Variants in TMPRSS7 observed in about 807,000 individuals in gnomAD.
TMPRSS7 encodes transmembrane protease serine 7.
A neutral mutation model predicts 95.6 loss-of-function variants in TMPRSS7; 81 were observed. The ratio of observed to expected loss-of-function variants is 0.85; its 90% CI spans 0.71 to 1.02. TMPRSS7 has a LOEUF of 1.02. TMPRSS7 is among the 50% of genes least tolerant of loss of function. The pLI, the probability that TMPRSS7 is intolerant of heterozygous loss-of-function variation, is 0.00. For synonymous variants in TMPRSS7, 364 were observed against 337.8 expected (o/e 1.08, Z -0.85); for missense variants, 945 against 955.2 (o/e 0.99, Z 0.14).
At chr3:112,049,721 C>T in intron 7 of TMPRSS7, 123 bp from the exon 8 acceptor site, 1 of 776,488 alleles carries the variant, frequency 1.3e-6, no homozygotes, top group Non-Finnish European at 1.9e-6. Context: ...GGGAGAGATT[C>T]CCAAGAACTG....
intron 1 of TMPRSS7, among the ~76,000 whole-genome samples, chr3:112,036,874 G>A (rs577520410): frequency 6.6e-6 from 1 of 152,306 alleles, no homozygotes; most frequent in Non-Finnish European, 1.5e-5. Flanking sequence ...TCTTACGCCT[G>A]TCTTTACTGC....
intron 9 of TMPRSS7, among the ~76,000 whole-genome samples, chr3:112,051,234 C>T (rs1390340982): frequency 1.3e-5 from 2 of 151,864 alleles, no homozygotes; most frequent in East Asian, 3.8e-4. Context: ...CAATAAAATA[C>T]AACAATAAAC....
At chr3:112,050,765 G>C (rs759146735) in exon 9 of TMPRSS7, 1 of 1,596,102 alleles carries the variant, frequency 6.3e-7, no homozygotes, top group East Asian at 2.3e-5. Flanking sequence ...CAAAATGCAA[G>C]TGTACCTGGA....
intron 15 of TMPRSS7, among the ~76,000 whole-genome samples, chr3:112,075,873 A>ATAAC (rs1215528425): frequency 1.3e-5 from 2 of 152,208 alleles, no homozygotes; most frequent in Admixed American, 6.5e-5. Flanking sequence ...GGGTAAGAGG[A>ATAAC]CATCTTAGAA....
chr3:112,080,019 T>G (rs1448562986), intron 17 of TMPRSS7, among the ~76,000 whole-genome samples: 1 of 152,164 alleles, frequency 6.6e-6, no homozygotes, highest in African/African-American at 2.4e-5. Context: ...CTTGTTAAAC[T>G]TAGTAGAGTT....
chr3:112,056,993 AT>A (rs763943474), intron 9 of TMPRSS7, 31 bp from the exon 10 acceptor site: 3 of 1,477,134 alleles, frequency 2.0e-6, no homozygotes, highest in East Asian at 2.3e-5. Context: ...TGATTGAAGC[AT>A]TTTTTTCTGA....
At chr3:112,039,248 G>T (rs2073181840) in intron 2 of TMPRSS7, among the ~76,000 whole-genome samples, 1 of 152,158 alleles carries the variant, frequency 6.6e-6, no homozygotes, top group Non-Finnish European at 1.5e-5. Context: ...ACAAAATCAT[G>T]CACCATGATA....
At chr3:112,074,830 C>T (rs2073692688) in intron 14 of TMPRSS7, among the ~76,000 whole-genome samples, 1 of 152,192 alleles carries the variant, frequency 6.6e-6, no homozygotes, top group Non-Finnish European at 1.5e-5. Context: ...AGTCATGTGG[C>T]TACTACTTGG....
intron 10 of TMPRSS7, 128 bp downstream of exon 10, chr3:112,057,259 A>C (rs1200674393): frequency 9.1e-6 from 6 of 660,690 alleles, no homozygotes; most frequent in Non-Finnish European, 1.5e-5. Flanking sequence ...TATAGGAGTT[A>C]TGTAACTTGC....
intron 17 of TMPRSS7, among the ~76,000 whole-genome samples, chr3:112,080,385 T>C (rs1185500765): frequency 6.6e-6 from 1 of 152,180 alleles, no homozygotes; most frequent in Admixed American, 6.5e-5. Flanking sequence ...TCCATGGGGC[T>C]ATGAGCTAAC....
At chr3:112,051,684 T>TATCTATCTATCTATCTATCTATC (rs1360151831) in intron 9 of TMPRSS7, among the ~76,000 whole-genome samples, 3 of 151,864 alleles carry the variant, frequency 2.0e-5, no homozygotes, top group African/African-American at 7.3e-5. Flanking sequence ...TCTATCTATC[T>TATCTATCTATCTATCTATCTATC]ATCTATCTAT....
At chr3:112,059,770 C>G (rs1220611231) in intron 10 of TMPRSS7, among the ~76,000 whole-genome samples, 2 of 152,220 alleles carry the variant, frequency 1.3e-5, no homozygotes, top group Admixed American at 1.3e-4. Flanking sequence ...TTGCAAAAGA[C>G]TCTTCCTGAA....
intron 9 of TMPRSS7, 144 bp from the exon 10 acceptor site, chr3:112,056,881 C>A: frequency 1.9e-6 from 1 of 533,302 alleles, no homozygotes; most frequent in Non-Finnish European, 3.3e-6. Context: ...TCCTCCTTAT[C>A]CCGCTTTGTT....
At position 112,063,798 on chromosome 3, in the gene TMPRSS7, A is replaced by C. The variant is rs340144; in HGVS notation, c.1555+166A>C. On this transcript the variant is annotated intron_variant, in intron 12 of 17. Coordinates refer to ENST00000452346, the Ensembl canonical transcript of TMPRSS7. ...AACAATCATTTATTCTTGATCATGC[A>C]TCTGTGGATTTTCTGGGATCTGACT... Among the ~76,000 whole-genome samples, 441 of 152,304 alleles carry C rather than the reference A, an allele frequency of 2.9e-3. 2 individuals carry two copies. The highest frequency in any genetic ancestry group is 0.01 in the African/African-American group (420 of 41,562).
chr3:112,052,652 G>A (rs1009842514), intron 9 of TMPRSS7, among the ~76,000 whole-genome samples: 1 of 152,032 alleles, frequency 6.6e-6, no homozygotes, highest in Admixed American at 6.6e-5. Flanking sequence ...GGAAGGAAGA[G>A]GGAAAGGAAA....
rs767221336 is a variant in TMPRSS7, at chr3:112,063,522, T to C, written c.1448-3T>C. On this transcript the variant is annotated splice_region_variant and splice_polypyrimidine_tract_variant and intron_variant, in intron 11 of 17. Coordinates refer to ENST00000452346, the Ensembl canonical transcript of TMPRSS7. ...CTATTTTTTGATTTTTTGTTGCCCA[T>C]AGCCTGCCCTGTTGGATCTTTTAGA... 45 of 1,613,312 alleles carry C rather than the reference T, an allele frequency of 2.8e-5. No homozygotes were observed. Among genetic ancestry groups the C allele is most frequent in the Non-Finnish European group, 3.7e-5 (44 of 1,179,340 alleles).
At chr3:112,056,000 T>A (rs953468699) in intron 9 of TMPRSS7, among the ~76,000 whole-genome samples, 10 of 152,076 alleles carry the variant, frequency 6.6e-5, no homozygotes, top group African/African-American at 2.2e-4. Flanking sequence ...GAGACCAGCC[T>A]GGGCAATGTG....
chr3:112,044,275 A>T (rs942838017), exon 4 of TMPRSS7: 3 of 1,550,906 alleles, frequency 1.9e-6, no homozygotes, highest in East Asian at 2.4e-5. Flanking sequence ...TTTATACAAC[A>T]TCTGCCTTCT....
At chr3:112,042,365 C>T (rs575373905) in intron 3 of TMPRSS7, among the ~76,000 whole-genome samples, 1 of 152,178 alleles carries the variant, frequency 6.6e-6, no homozygotes, top group African/African-American at 2.4e-5. Flanking sequence ...AAGTTAGATG[C>T]ATACCGATTA....
Sources: gnomAD v4.1 joint callset for allele counts (sites outside exome capture counted in the v4.1 genomes callset) on GRCh38, gnomAD v4.1.1 for gene constraint, MANE v1.5 for transcripts, NCBI Gene and HGNC (gene_info 2026-07-23, HGNC 2026-07-21) for gene names.